The following IWS1 variants were observed in gnomAD, a reference collection of about 807,000 sequenced individuals.
The protein encoded by IWS1 is interacts with SUPT6H, CTD assembly factor 1.
Under a neutral mutation model 86.7 loss-of-function variants are expected in IWS1, and 27 were observed. The ratio of observed to expected loss-of-function variants is 0.31; its 90% CI spans 0.23 to 0.43. The LOEUF is 0.43. Ranked by LOEUF, IWS1 falls within the 20% of genes least tolerant of loss-of-function variation. The pLI is 1.00. For synonymous variants in IWS1, 313 were observed against 335.1 expected (o/e 0.93, Z 0.72); for missense variants, 827 against 1,000.8 (o/e 0.83, Z 2.34).
At chr2:127,526,553 G>A (rs564699470), upstream of IWS1, 33 of 1,431,212 alleles carry the variant, frequency 2.3e-5, no homozygotes, top group East Asian at 1.1e-3. Context: ...CCAATGAGAA[G>A]ACGCAACAGC....
chr2:127,518,836 C>A (rs542173156), intron 2 of IWS1, among the ~76,000 whole-genome samples: 1 of 152,200 alleles, frequency 6.6e-6, no homozygotes, highest in East Asian at 1.9e-4. Context: ...TCCTAAAGTG[C>A]TGGGATTACA....
upstream of IWS1, chr2:127,526,639 C>T (rs1437022727): frequency 7.5e-7 from 1 of 1,329,840 alleles, no homozygotes; most frequent in East Asian, 5.1e-5. Context: ...TAAATACCTT[C>T]CTCGGGTGGA....
chr2:127,502,559 C>A (rs561364104), intron 5 of IWS1: 7 of 288,534 alleles, frequency 2.4e-5, no homozygotes, highest in Middle Eastern at 1.0e-3. Flanking sequence ...GAATCTTGCC[C>A]TTTAGCATTA....
intron 10 of IWS1, among the ~76,000 whole-genome samples, 190 bp from the exon 11 acceptor site, chr2:127,490,133 T>C (rs573067930): frequency 3.7e-4 from 57 of 152,324 alleles, no homozygotes; most frequent in African/African-American, 1.3e-3. Context: ...CTCTGGCTGA[T>C]TCAGAAAATT....
chr2:127,484,992 G>A (rs966440230), intron 13 of IWS1, among the ~76,000 whole-genome samples: 4 of 128,622 alleles, frequency 3.1e-5, no homozygotes, highest in East Asian at 2.3e-4. Flanking sequence ...GCAAGACTCC[G>A]TCTCAAAAAG....
chr2:127,483,598 G>GGGGGGGGGT (rs1689763605), intron 13 of IWS1, among the ~76,000 whole-genome samples: 1 of 21,820 alleles, frequency 4.6e-5, no homozygotes, highest in Non-Finnish European at 1.2e-4. Flanking sequence ...GGGTGGGGGG[G>GGGGGGGGGT]TTGGGCTGTG....
At chr2:127,486,794 C>T (rs1689953443) in intron 12 of IWS1, 130 bp from the exon 13 acceptor site, 2 of 689,246 alleles carry the variant, frequency 2.9e-6, no homozygotes, top group Non-Finnish European at 5.1e-6. Flanking sequence ...TACTCCCCAC[C>T]AAAGGTCACC....
intron 2 of IWS1, among the ~76,000 whole-genome samples, chr2:127,506,037 T>G (rs1691132043): frequency 6.6e-6 from 1 of 152,168 alleles, no homozygotes; most frequent in African/African-American, 2.4e-5. Flanking sequence ...AGAGCTAGAT[T>G]TTTTCTTTTT....
chr2:127,505,496 T>G lies in IWS1; in HGVS notation c.407A>C (p.Glu136Ala). The stretch of plus-strand genomic sequence containing the variant: ...ACTTGCATGCCCATTAAGAAGTTCC[T>G]CATTTTCAGAGTCACTACCAGGTAA... ...RKLPGSDSENEELLNGHASDS... is the reference protein window; with the variant it reads ...RKLPGSDSENAELLNGHASDS... Residue 136 changes from glutamate (E) to alanine (A), a missense_variant, in exon 3 of 14, where the codon GAG becomes GCG. By Grantham distance (107) the Glu-to-Ala change is moderately radical (BLOSUM62 -1). Transcript: ENST00000295321. The surrounding 1 kb of genome is among the most constrained non-coding windows in gnomAD (Gnocchi z 5.0). 1.9e-6 allele frequency: 3 copies of G among 1,614,166 alleles called. No individual in the cohort carries two copies. Among genetic ancestry groups the G allele is most frequent in the Non-Finnish European group, 2.5e-6 (3 of 1,180,034 alleles).
rs1432506302 is a variant in IWS1, at chr2:127,499,140, G to C, written c.1468-903C>G. Among the ~76,000 whole-genome samples the C allele has an allele frequency of 6.7e-6, 1 of 148,246 alleles. No individual in the cohort carries two copies. Among genetic ancestry groups the C allele is most frequent in the African/African-American group, 2.5e-5 (1 of 39,916 alleles). On this transcript the variant is annotated intron_variant, in intron 5 of 13. Coordinates refer to ENST00000295321, the MANE Select transcript of IWS1 (RefSeq NM_017969.3). The surrounding 1 kb of genome is among the most constrained non-coding windows in gnomAD (Gnocchi z 4.0). ...GAGTCTCACTGTGTCGCCCAGGCCA[G>C]AGTGCAGTGGCGTGATCTCGGCTCA...
Position 127,526,487 on chromosome 2 carries a change from T to C in IWS1, c.-279A>G. On this transcript the variant is annotated 5_prime_UTR_variant, in exon 1 of 14. Transcript: ENST00000295321. ...AAGCACCGCTGGGGCCAAAATGGCG[T>C]CTGCCCACGACCCTCAAAGGAATGC... 1.3e-6 allele frequency: 2 copies of C among 1,517,778 alleles called. No individual in the cohort carries two copies. The highest frequency in any genetic ancestry group is 1.8e-6 in the Non-Finnish European group (2 of 1,127,322). The allele number at this position is 1,517,778 out of a possible 1,614,324, so 94.0% of individuals were successfully genotyped here.
intron 10 of IWS1, among the ~76,000 whole-genome samples, chr2:127,491,564 C>A (rs1303429377): frequency 6.6e-6 from 1 of 152,186 alleles, no homozygotes; most frequent in Non-Finnish European, 1.5e-5. Context: ...CTGCCTCAGC[C>A]TCCCGAGTAG....
intron 2 of IWS1, among the ~76,000 whole-genome samples, chr2:127,519,275 C>T (rs1691954161): frequency 6.6e-6 from 1 of 152,102 alleles, no homozygotes; most frequent in Admixed American, 6.5e-5. Flanking sequence ...CTCTTGTTTT[C>T]TTAAGGTAGT....
In IWS1 at chr2:127,504,666, C is replaced by T. The variant is rs547985776; in HGVS notation, c.1219+18G>A. ...AATGAATAAAGCCATTGATAAACAG[C>T]CCAAGGTAACTCCTTACATGCTTTC... On this transcript the variant is annotated intron_variant, in intron 3 of 13. Coordinates refer to ENST00000295321, the MANE Select transcript of IWS1 (RefSeq NM_017969.3). 41 of 1,552,000 alleles carry T rather than the reference C, an allele frequency of 2.6e-5. No individual in the cohort carries two copies. Among genetic ancestry groups the T allele is most frequent in the Non-Finnish European group, 2.6e-5 (30 of 1,142,988 alleles).
intron 2 of IWS1, among the ~76,000 whole-genome samples, chr2:127,508,936 C>T (rs1691292219): frequency 6.6e-6 from 1 of 152,210 alleles, no homozygotes; most frequent in Admixed American, 6.5e-5. Context: ...GATTTCCTGA[C>T]ACATGGTGTA....
At chr2:127,526,767 G>C, upstream of IWS1, 1 of 1,051,138 alleles carries the variant, frequency 9.5e-7, no homozygotes, top group South Asian at 1.3e-5. Context: ...ATGAAGACCT[G>C]CTCAAATGAC....
intron 2 of IWS1, among the ~76,000 whole-genome samples, chr2:127,512,351 C>T (rs1691517364): frequency 6.6e-6 from 1 of 152,218 alleles, no homozygotes. Flanking sequence ...CCACCCCTCA[C>T]TTGGTGCTCA....
intron 2 of IWS1, among the ~76,000 whole-genome samples, chr2:127,512,036 G>A (rs1691481044): frequency 6.6e-6 from 1 of 152,224 alleles, no homozygotes; most frequent in Admixed American, 6.5e-5. Context: ...TGGGCCCACT[G>A]TGCTTTGCTT....
chr2:127,524,602 G>C lies in IWS1; in HGVS notation c.35-811C>G, dbSNP rs1433121707. On this transcript the variant is annotated intron_variant, in intron 1 of 13. Coordinates refer to ENST00000295321, the MANE Select transcript of IWS1 (RefSeq NM_017969.3). ...GGCCCAGGCTGGAGTGCAATGGTGT[G>C]ATCTCAGCTCACTGCAACCTCCACC... Among the ~76,000 whole-genome samples the C allele has an allele frequency of 2.0e-5, 3 of 150,478 alleles. No homozygotes were observed. The East Asian group carries it at 5.9e-4, about 29-fold the overall frequency.
Sources: gnomAD v4.1 joint callset for allele counts (sites outside exome capture counted in the v4.1 genomes callset) on GRCh38, gnomAD v4.1.1 for gene constraint, Gnocchi (gnomAD v3.1) non-coding constraint, MANE v1.5 for transcripts, NCBI Gene and HGNC (gene_info 2026-07-23, HGNC 2026-07-21) for gene names.